Variants in FAM13A observed in about 807,000 individuals in gnomAD.
The protein encoded by FAM13A is protein FAM13A.
FAM13A carries 76 observed loss-of-function variants against 129.6 expected under a neutral mutation model. The ratio of observed to expected loss-of-function variants is 0.59; its 90% confidence interval spans 0.49 to 0.71. The LOEUF (loss-of-function observed/expected upper bound fraction) is 0.71. Among genes scored for constraint, FAM13A ranks in the 30% least tolerant of loss-of-function variants. The probability of loss-of-function intolerance (pLI) is 0.00; values close to 1 mark genes in which losing one functional copy is unlikely to be tolerated. For missense variants in FAM13A, 1,108 were observed against 1,249.3 expected, an observed-to-expected ratio of 0.89 and a Z score of 1.70; for synonymous variants, 443 against 449.9, an observed-to-expected ratio of 0.98 and a Z score of 0.20.
intron 6 of FAM13A, among the ~76,000 whole-genome samples, chr4:88,897,964 G>C (rs1288538370): frequency 6.6e-6 from 1 of 152,112 alleles, no homozygotes; most frequent in East Asian, 1.9e-4. Flanking sequence ...AAAGAAGCTA[G>C]TCACAAACCA....
At chr4:88,888,131 G>C (rs1032113425) in intron 6 of FAM13A, among the ~76,000 whole-genome samples, 15 of 152,004 alleles carry the variant, frequency 9.9e-5, no homozygotes, top group African/African-American at 3.4e-4. Context: ...TATACTCTTT[G>C]CTTATGTCAT....
chr4:88,866,855 T>G (rs746170001), intron 6 of FAM13A, among the ~76,000 whole-genome samples: 68 of 152,224 alleles, frequency 4.5e-4, no homozygotes, highest in Non-Finnish European at 7.8e-4. Context: ...AATATTTCAC[T>G]CCTACCTACA....
intron 6 of FAM13A, among the ~76,000 whole-genome samples, chr4:88,871,214 ATTC>A (rs1294734383): frequency 6.6e-6 from 1 of 152,268 alleles, no homozygotes; most frequent in East Asian, 1.9e-4. Context: ...AAAGCTGGAC[ATTC>A]TAAAAACCAG....
chr4:88,844,114 T>C (rs1736266811), intron 7 of FAM13A, among the ~76,000 whole-genome samples: 1 of 152,160 alleles, frequency 6.6e-6, no homozygotes, highest in African/African-American at 2.4e-5. Flanking sequence ...AATATCACAA[T>C]AGCAACTACG....
intron 6 of FAM13A, among the ~76,000 whole-genome samples, chr4:88,885,124 T>C (rs1348933486): frequency 1.3e-5 from 2 of 152,026 alleles, no homozygotes; most frequent in African/African-American, 4.8e-5. Flanking sequence ...ATACCACCAA[T>C]TGTTCTTAAC....
At chr4:88,746,795 T>C in intron 19 of FAM13A, 137 bp downstream of exon 19, 1 of 635,396 alleles carries the variant, frequency 1.6e-6, no homozygotes, top group Non-Finnish European at 2.8e-6. Context: ...ATGGTGTAAA[T>C]ATATACTAAC....
At chr4:88,733,207 G>T (rs1738240301) in intron 21 of FAM13A, among the ~76,000 whole-genome samples, 1 of 152,194 alleles carries the variant, frequency 6.6e-6, no homozygotes, top group Admixed American at 6.5e-5. Flanking sequence ...TGTGCAAATG[G>T]TTCATGGTAA....
At chr4:89,049,536 T>A (rs568776334) in intron 1 of FAM13A, among the ~76,000 whole-genome samples, 24 of 152,262 alleles carry the variant, frequency 1.6e-4, no homozygotes, top group Non-Finnish European at 1.6e-4. Flanking sequence ...TAATTGCTTA[T>A]TATAAGGCAA....
intron 6 of FAM13A, among the ~76,000 whole-genome samples, chr4:88,893,752 C>T (rs1046521237): frequency 3.4e-5 from 5 of 146,424 alleles, no homozygotes; most frequent in African/African-American, 5.1e-5. Flanking sequence ...GGCGTGAACC[C>T]GGGAGGCGGA....
chr4:88,869,295 G>A (rs115516152), intron 6 of FAM13A, among the ~76,000 whole-genome samples: 1 of 152,198 alleles, frequency 6.6e-6, no homozygotes. Flanking sequence ...AGTTGTCCCT[G>A]TTTAAAACTT....
At chr4:88,996,210 G>T (rs1263936098) in intron 3 of FAM13A, among the ~76,000 whole-genome samples, 1 of 152,192 alleles carries the variant, frequency 6.6e-6, no homozygotes, top group African/African-American at 2.4e-5. Context: ...CTGACTAAAA[G>T]CTATGGTCTT....
chr4:88,878,636 T>C (rs1259905289), intron 6 of FAM13A, among the ~76,000 whole-genome samples: 2 of 152,202 alleles, frequency 1.3e-5, no homozygotes, highest in Non-Finnish European at 2.9e-5. Context: ...TCAATATTGG[T>C]TTTCAATATA....
intron 5 of FAM13A, among the ~76,000 whole-genome samples, chr4:88,925,540 C>G (rs1451505281): frequency 1.7e-5 from 2 of 117,612 alleles, no homozygotes; most frequent in Admixed American, 1.2e-4. Flanking sequence ...GAACATCACA[C>G]TCTGGGGACT....
At chr4:88,947,817 T>C (rs773437677) in intron 4 of FAM13A, among the ~76,000 whole-genome samples, 2 of 150,666 alleles carry the variant, frequency 1.3e-5, no homozygotes, top group African/African-American at 2.4e-5. Context: ...TACAATTTTG[T>C]GTTTTGATGA....
chr4:88,960,159 A>G (rs1480646974), intron 4 of FAM13A, among the ~76,000 whole-genome samples: 1 of 152,246 alleles, frequency 6.6e-6, no homozygotes, highest in Non-Finnish European at 1.5e-5. Context: ...GGAAATATCT[A>G]TACCAAGGCA....
At chr4:88,815,712 T>C (rs146488684) in intron 7 of FAM13A, among the ~76,000 whole-genome samples, 129 of 152,300 alleles carry the variant, frequency 8.5e-4, no homozygotes, top group African/African-American at 2.9e-3. Flanking sequence ...TCCTTCAGTG[T>C]ATCTCTATCA....
At chr4:88,909,879 A>G (rs768098509) in intron 5 of FAM13A, among the ~76,000 whole-genome samples, 123 of 152,310 alleles carry the variant, frequency 8.1e-4, no homozygotes, top group Non-Finnish European at 1.5e-3. Context: ...TAGATTGTAT[A>G]CTTTATAAGA....
In FAM13A at chr4:88,747,712, G is replaced by A. The variant is rs1178138464; in HGVS notation, c.2301C>T (p.Pro767=). 1.2e-6 allele frequency: 2 copies of A among 1,614,120 alleles called. No individual in the cohort carries two copies. Among genetic ancestry groups the A allele is most frequent in the Non-Finnish European group, 1.7e-6 (2 of 1,179,998 alleles). Residue 767 remains proline (P), a synonymous_variant, in exon 18 of 24, where the codon CCC becomes CCT. Transcript: ENST00000264344. ...KQELVDKAIK[P]SVEATLESIQ... is the part of the protein sequence containing the mutation. ...TAGATTCCAATGTGGCTTCAACACT[G>A]GGCTTTATTGCTTTATCCACCAGCT...
At position 88,800,819 on chromosome 4, in the gene FAM13A, C is replaced by T. The variant is rs1032138131; in HGVS notation, c.1049+4192G>A. ...ATACCTAGCTGACTTTATCATCTTG[C>T]TAAAAAAGTGGATACTTAAATAAAC... On this transcript the variant is annotated intron_variant, in intron 8 of 23. Transcript: ENST00000264344. Among the ~76,000 whole-genome samples, 3 of 151,808 alleles carry T rather than the reference C, an allele frequency of 2.0e-5. No individual in the cohort carries two copies. In the South Asian group the frequency reaches 6.2e-4, roughly 32 times the overall value.
Sources: allele counts gnomAD v4.1 joint callset (sites outside exome capture counted in the v4.1 genomes callset), GRCh38; gene constraint gnomAD v4.1.1; transcripts MANE v1.5; gene names NCBI Gene and HGNC (gene_info 2026-07-23, HGNC 2026-07-21).